FANCA: variants seen among roughly 807,000 people sequenced by gnomAD.
FANCA encodes Fanconi anemia group A protein.
In FANCA, 236 loss-of-function variants were observed where a neutral mutation model predicts 194.3. That is an observed-to-expected ratio of 1.21 (90% CI 1.09 to 1.35). FANCA has a LOEUF of 1.35. Among genes scored for constraint, FANCA ranks in the 40% most tolerant of loss-of-function variants. FANCA has a pLI of 0.00. For missense variants in FANCA, 2,628 were observed against 1,813.9 expected (o/e 1.45, Z -8.15); for synonymous variants, 1,014 against 715.8 (o/e 1.42, Z -6.65).
chr16:89,763,860 G>A (rs2039034701), intron 28 of FANCA, among the ~76,000 whole-genome samples: 1 of 151,242 alleles, frequency 6.6e-6, no homozygotes, highest in African/African-American at 2.4e-5. Context: ...TTGAACCAGA[G>A]AGGCAGAGGC....
chr16:89,766,833 T>C (rs1375205058), intron 27 of FANCA, among the ~76,000 whole-genome samples: 2 of 152,254 alleles, frequency 1.3e-5, no homozygotes, highest in Non-Finnish European at 2.9e-5. Flanking sequence ...TTTTAATTCA[T>C]CTATCCTATA....
rs755657610 is a variant in FANCA at position 89,770,547 on chromosome 16, G to A, written c.2222+17C>T. The A allele has an allele frequency of 1.9e-6, 3 of 1,593,848 alleles. No individual in the cohort carries two copies. In the Admixed American group the frequency reaches 5.2e-5, roughly 28 times the overall value. ...CCAGAGGAGCCCCACCACTCAGGGA[G>A]CTGCCCGCGCCTTCACCTCTCCGGG... On this transcript the variant is annotated intron_variant, in intron 24 of 42. Transcript: ENST00000389301.
chr16:89,813,866 T>C (rs1017761787), intron 3 of FANCA, among the ~76,000 whole-genome samples: 3 of 151,970 alleles, frequency 2.0e-5, no homozygotes, highest in Non-Finnish European at 4.4e-5. Flanking sequence ...ACTAACTATA[T>C]CTTTAGCAGA....
At chr16:89,776,300 T>C (rs940510931) in intron 20 of FANCA, among the ~76,000 whole-genome samples, 6 of 150,040 alleles carry the variant, frequency 4.0e-5, no homozygotes, top group Non-Finnish European at 8.9e-5. Context: ...CCCGAGTAGG[T>C]GGGATTACAG....
At chr16:89,792,975 T>G (rs564008577) in intron 11 of FANCA, among the ~76,000 whole-genome samples, 2 of 152,336 alleles carry the variant, frequency 1.3e-5, no homozygotes, top group East Asian at 3.9e-4. Flanking sequence ...TTCACTAATT[T>G]ACTACTGCTA....
At chr16:89,790,393 CA>C (rs1259159326) in intron 14 of FANCA, among the ~76,000 whole-genome samples, 1 of 144,656 alleles carries the variant, frequency 6.9e-6, no homozygotes. Flanking sequence ...GACTCCACCT[CA>C]AAAAAATAAA....
At chr16:89,790,558 G>C (rs867625769) in intron 14 of FANCA, among the ~76,000 whole-genome samples, 1 of 151,752 alleles carries the variant, frequency 6.6e-6, no homozygotes, top group African/African-American at 2.4e-5. Context: ...GTGAAACCCC[G>C]TCTCTACTAA....
At chr16:89,806,517 C>T (rs1457775020) in intron 6 of FANCA, among the ~76,000 whole-genome samples, 4 of 151,524 alleles carry the variant, frequency 2.6e-5, no homozygotes, top group African/African-American at 9.7e-5. Flanking sequence ...TGTTTGTGTC[C>T]CTGGGTACTT....
At chr16:89,778,661 ACCAACCAATTTTGGAGCCAATATTTTACC>A in intron 20 of FANCA, 111 bp downstream of exon 20, 1 of 647,262 alleles carries the variant, frequency 1.5e-6, no homozygotes, top group East Asian at 3.1e-5. Flanking sequence ...AAAAAAAGTA[ACCAACCAATTTTGGAGCCAATATTTTACC>A]AATAAAACAC....
In FANCA at chr16:89,737,808, G is replaced by T; in HGVS notation, c.*793C>A. On this transcript the variant is annotated 3_prime_UTR_variant, in exon 43 of 43. Transcript: ENST00000389301. ...CTCACTGGACTCTCCCCTCTCAGAG[G>T]TGCGGAACTATATCTGTGACGAATG... 1 of 1,614,200 alleles carries T rather than the reference G, an allele frequency of 6.2e-7. No homozygotes were observed. The highest frequency in any genetic ancestry group is 8.5e-7 in the Non-Finnish European group (1 of 1,180,038).
chr16:89,765,505 G>C (rs1446562164), intron 27 of FANCA, among the ~76,000 whole-genome samples: 1 of 152,272 alleles, frequency 6.6e-6, no homozygotes, highest in East Asian at 1.9e-4. Flanking sequence ...GCTTCCTTGA[G>C]CTAAATGTCT....
chr16:89,759,318 T>TTAA (rs1224981781), intron 29 of FANCA, among the ~76,000 whole-genome samples: 4,339 of 75,206 alleles, frequency 0.058, 915 homozygotes, highest in East Asian at 0.18. Flanking sequence ...AGACTCCGTC[T>TTAA]AAAAAAAAAA....
chr16:89,783,773 T>A (rs1049996321), intron 15 of FANCA, among the ~76,000 whole-genome samples: 1 of 151,960 alleles, frequency 6.6e-6, no homozygotes, highest in African/African-American at 2.4e-5. Context: ...AGCGTGTTTT[T>A]TTCTTTTGAG....
chr16:89,773,289 C>A lies in FANCA; in HGVS notation c.1996G>T (p.Asp666Tyr). 1.3e-6 allele frequency: 2 copies of A among 1,551,174 alleles called. No homozygotes were observed. The highest frequency in any genetic ancestry group is 1.2e-5 in the South Asian group (1 of 84,030). ...ALGELRASMT[D>Y]PSQRDVISAQ... is the part of the protein sequence containing the mutation. ...TCCTCACCATCACGCTGGCTGGGGTCTGTCATGGAGGCTCTCAGCTCTCCC... is the reference window on the plus strand; with the variant it reads ...TCCTCACCATCACGCTGGCTGGGGTATGTCATGGAGGCTCTCAGCTCTCCC... Residue 666 changes from aspartate (D) to tyrosine (Y), a missense_variant, in exon 22 of 43, where the codon GAC becomes TAC. Physicochemically the swap from Asp to Tyr is radical, Grantham distance 160. Coordinates refer to ENST00000389301, the MANE Select transcript of FANCA (RefSeq NM_000135.4).
intron 6 of FANCA, 30 bp from the exon 7 acceptor site, chr16:89,805,422 G>T (rs2040604698): frequency 1.3e-6 from 2 of 1,552,544 alleles, no homozygotes; most frequent in South Asian, 1.1e-5. Flanking sequence ...CAGACGTAAG[G>T]CTCAACTAAA....
intron 30 of FANCA, among the ~76,000 whole-genome samples, chr16:89,752,506 G>A (rs749317648): frequency 6.6e-6 from 1 of 152,194 alleles, no homozygotes; most frequent in African/African-American, 2.4e-5. Context: ...GACACGAGCT[G>A]TTCCAGTATA....
Position 89,816,128 on chromosome 16 carries a change from G to C in FANCA, c.80-142C>G, listed in dbSNP as rs895175424. 4 of 713,730 alleles carry C rather than the reference G, an allele frequency of 5.6e-6. No homozygotes were observed. The African/African-American group carries it at 7.0e-5, about 12-fold the overall frequency. The allele number at this position is 713,730 out of a possible 1,614,324, so 44.2% of individuals were successfully genotyped here. A position where few individuals can be genotyped will look rare whatever the true frequency, so the allele number is the denominator to read the frequency against. ...GCCGGGGCTCCTCCCCAGGGCGCAGGTCTCGGGAAACTAACGGAGACGGCC... is the reference window on the plus strand; with the variant it reads ...GCCGGGGCTCCTCCCCAGGGCGCAGCTCTCGGGAAACTAACGGAGACGGCC... On this transcript the variant is annotated intron_variant, in intron 1 of 42. Coordinates refer to ENST00000389301, the MANE Select transcript of FANCA (RefSeq NM_000135.4).
At position 89,773,281 on chromosome 16, in the gene FANCA, G is replaced by C; in HGVS notation, c.2004C>G (p.Ser668Arg). 6.4e-7 allele frequency: 1 copy of C among 1,550,630 alleles called. No homozygotes were observed. The highest frequency in any genetic ancestry group is 8.7e-7 in the Non-Finnish European group (1 of 1,146,502). ...CCCATCCATCCTCACCATCACGCTG[G>C]CTGGGGTCTGTCATGGAGGCTCTCA... ...GELRASMTDP[S>R]QRDVISAQVA... The change falls in exon 22 of 43, where the codon AGC (serine) becomes AGG (arginine). Residue 668 changes from serine to arginine, a missense_variant. By Grantham distance (110) the Ser-to-Arg change is moderately radical (BLOSUM62 -1). Coordinates refer to ENST00000389301, the MANE Select transcript of FANCA (RefSeq NM_000135.4).
At chr16:89,780,401 T>C (rs2039659862) in intron 17 of FANCA, among the ~76,000 whole-genome samples, 1 of 152,150 alleles carries the variant, frequency 6.6e-6, no homozygotes, top group East Asian at 1.9e-4. Flanking sequence ...CGGGGCAGAC[T>C]GCTTAAGCCC....
Sources: allele counts gnomAD v4.1 joint callset (sites outside exome capture counted in the v4.1 genomes callset), GRCh38; gene constraint gnomAD v4.1.1; transcripts MANE v1.5; gene names NCBI Gene and HGNC (gene_info 2026-07-23, HGNC 2026-07-21).